The following PRH1 variants were observed in gnomAD, a reference collection of about 807,000 sequenced individuals.
The protein encoded by PRH1 is proline rich protein HaeIII subfamily 1, also known as salivary acidic proline-rich phosphoprotein 1/2.
PRH1 carries 7 observed loss-of-function variants against 7.9 expected under a neutral mutation model. That is an observed-to-expected ratio of 0.89 (90% CI 0.50 to 1.67). The LOEUF (loss-of-function observed/expected upper bound fraction) is 1.67. Among genes scored for constraint, PRH1 ranks in the 40% most tolerant of loss-of-function variants. The probability of loss-of-function intolerance (pLI) is 0.00; values close to 1 mark genes in which losing one functional copy is unlikely to be tolerated. For missense variants in PRH1, 109 were observed against 223.6 expected (o/e 0.49, Z 3.27); for synonymous variants, 45 against 80.8 (o/e 0.56, Z 2.38).
At chr12:10,963,624 G>A (rs1938361574) in intron 2 of PRH1, among the ~76,000 whole-genome samples, 1 of 152,228 alleles carries the variant, frequency 6.6e-6, no homozygotes, top group East Asian at 1.9e-4. Flanking sequence ...AAAACTGGAA[G>A]AAATGACTTT....
At chr12:10,929,300 C>T in intron 2 of PRH1, 1 of 1,614,088 alleles carries the variant, frequency 6.2e-7, no homozygotes, top group Non-Finnish European at 8.5e-7. Flanking sequence ...TGTCAGTGGC[C>T]CTGCTGGCCT....
rs143412227 is a variant in PRH1, at chr12:11,072,745, T to C, written n.124-25557A>G. Among the ~76,000 whole-genome samples, 6 of 148,754 alleles carry C rather than the reference T, an allele frequency of 4.0e-5. No individual in the cohort carries two copies. In the East Asian group the frequency reaches 1.2e-3, roughly 29 times the overall value. On this transcript the variant is annotated intron_variant and non_coding_transcript_variant, in intron 1 of 4. Coordinates refer to the PRH1 transcript ENST00000541977. Reference sequence around the variant, plus strand: ...GTATCTTCCCTGAGCAGAGCAGAGCTTCTGGCACTTTGCATGTGGCTCTCG... The same window carrying C: ...GTATCTTCCCTGAGCAGAGCAGAGCCTCTGGCACTTTGCATGTGGCTCTCG...
At chr12:11,125,610 T>C (rs561162478) in intron 1 of PRH1, among the ~76,000 whole-genome samples, 1 of 152,408 alleles carries the variant, frequency 6.6e-6, no homozygotes, top group East Asian at 1.9e-4. Flanking sequence ...TGTGTACACA[T>C]GCATGGTATT....
intron 1 of PRH1, among the ~76,000 whole-genome samples, chr12:11,165,477 A>G (rs1225241207): frequency 1.3e-5 from 2 of 152,106 alleles, no homozygotes; most frequent in African/African-American, 4.8e-5. Context: ...AGCTTCTTAT[A>G]TAGTTTCTAT....
At chr12:11,129,554 C>G (rs1425745208) in intron 1 of PRH1, among the ~76,000 whole-genome samples, 1 of 152,428 alleles carries the variant, frequency 6.6e-6, no homozygotes, top group East Asian at 1.9e-4. Context: ...CTTAACCTAT[C>G]TGGCCTCTAC....
At chr12:11,049,746 G>C (rs951456514), upstream of PRH1, among the ~76,000 whole-genome samples, 12 of 152,114 alleles carry the variant, frequency 7.9e-5, 1 homozygote, top group Admixed American at 4.6e-4. Flanking sequence ...TCATAACTAG[G>C]ATAATACCAA....
intron 1 of PRH1, among the ~76,000 whole-genome samples, chr12:10,994,095 C>A (rs10772407): frequency 0.3 from 46,358 of 152,136 alleles, 8,926 homozygotes; most frequent in East Asian, 0.74. Context: ...ATCTGAATGG[C>A]ACAAGGAGTG....
chr12:11,102,644 T>C (rs866838618), intron 1 of PRH1, among the ~76,000 whole-genome samples: 5 of 152,200 alleles, frequency 3.3e-5, no homozygotes. Flanking sequence ...AAGGACTTCA[T>C]GGCTAAAACA....
At chr12:10,994,784 A>T (rs1940133621) in intron 1 of PRH1, among the ~76,000 whole-genome samples, 1 of 146,212 alleles carries the variant, frequency 6.8e-6, no homozygotes, top group African/African-American at 2.5e-5. Context: ...TTAGTAAGAT[A>T]GTTGGTAACT....
chr12:10,950,267 C>A (rs950825626), intron 2 of PRH1, among the ~76,000 whole-genome samples: 5 of 151,962 alleles, frequency 3.3e-5, no homozygotes, highest in Non-Finnish European at 7.4e-5. Flanking sequence ...ATGAGGTGAT[C>A]CTCCATCATA....
intron 1 of PRH1, among the ~76,000 whole-genome samples, chr12:11,168,220 GAAA>G (rs1947649200): frequency 1.0e-3 from 5 of 4,944 alleles, no homozygotes; most frequent in Non-Finnish European, 6.0e-4. Flanking sequence ...AAAGAAGAAA[GAAA>G]GAAAGAAAGA....
intron 1 of PRH1, among the ~76,000 whole-genome samples, chr12:11,129,621 C>A (rs1946265956): frequency 6.6e-6 from 1 of 152,294 alleles, no homozygotes; most frequent in Non-Finnish European, 1.5e-5. Flanking sequence ...AATCAACACT[C>A]ACAAATGCTT....
intron 2 of PRH1, among the ~76,000 whole-genome samples, chr12:10,942,114 G>A (rs1950410929): frequency 6.6e-6 from 1 of 152,148 alleles, no homozygotes; most frequent in Non-Finnish European, 1.5e-5. Context: ...CACCTGTTCT[G>A]GTGGAGGTGG....
chr12:10,890,215 T>A lies in PRH1; in HGVS notation c.-58-5940A>T, dbSNP rs1485666893. Among the ~76,000 whole-genome samples the A allele has an allele frequency of 2.0e-5, 3 of 152,142 alleles. 1 individual carries two copies. The Middle Eastern group carries it at 0.01, about 517-fold the overall frequency. On this transcript the variant is annotated intron_variant, in intron 2 of 3. Coordinates refer to the PRH1 transcript ENST00000539853. ...CCAACTGGCTCAAATGGCCAGGGAG[T>A]TTGTCCCACTAACATTTTTGGTGGT...
chr12:11,109,465 A>G (rs933546113), intron 1 of PRH1, among the ~76,000 whole-genome samples: 4 of 152,194 alleles, frequency 2.6e-5, no homozygotes, highest in African/African-American at 9.7e-5. Flanking sequence ...AAGCTTCCAG[A>G]GGAAGGAACA....
intron 2 of PRH1, among the ~76,000 whole-genome samples, chr12:10,960,195 G>C (rs780497380): frequency 6.6e-6 from 1 of 152,318 alleles, no homozygotes; most frequent in Non-Finnish European, 1.5e-5. Context: ...AAAAAGCTGA[G>C]TCCTGAGGTC....
intron 2 of PRH1, among the ~76,000 whole-genome samples, chr12:10,942,809 C>T (rs1437154142): frequency 6.6e-6 from 1 of 152,190 alleles, no homozygotes; most frequent in Non-Finnish European, 1.5e-5. Flanking sequence ...TGTCACCCTC[C>T]CAAAGGATCT....
chr12:10,911,194 C>T (rs752145041), intron 2 of PRH1, among the ~76,000 whole-genome samples: 24 of 152,032 alleles, frequency 1.6e-4, no homozygotes, highest in Non-Finnish European at 3.4e-4. Context: ...TTTGGGGATG[C>T]CGGTCACAAC....
At chr12:10,908,270 A>T in intron 2 of PRH1, 4 of 915,072 alleles carry the variant, frequency 4.4e-6, no homozygotes, top group Non-Finnish European at 6.5e-6. Context: ...AGTGACCTTC[A>T]CAATAAAAGA....
Sources: gnomAD v4.1 joint callset for allele counts (sites outside exome capture counted in the v4.1 genomes callset) on GRCh38, gnomAD v4.1.1 for gene constraint, MANE v1.5 for transcripts, NCBI Gene and HGNC (gene_info 2026-07-23, HGNC 2026-07-21) for gene names.